WDR70: variants seen among roughly 807,000 people sequenced by gnomAD.
WDR70 encodes the protein WD repeat domain 70.
Under a neutral mutation model 88.6 loss-of-function variants are expected in WDR70, and 53 were observed. The observed-to-expected ratio is 0.60, with a 90% CI of 0.48 to 0.75. The LOEUF is 0.75. WDR70 is among the 30% of genes least tolerant of loss of function. The probability of loss-of-function intolerance (pLI) is 0.00; values close to 1 mark genes in which losing one functional copy is unlikely to be tolerated. For synonymous variants in WDR70, 280 were observed against 270.0 expected (o/e 1.04, Z -0.36); for missense variants, 610 against 823.2 (o/e 0.74, Z 3.17).
At chr5:37,431,612 A>AT (rs1245439940) in intron 5 of WDR70, among the ~76,000 whole-genome samples, 1 of 152,196 alleles carries the variant, frequency 6.6e-6, no homozygotes, top group Non-Finnish European at 1.5e-5. Flanking sequence ...TAAGTGTACA[A>AT]TTCAGTATTG....
intron 9 of WDR70, among the ~76,000 whole-genome samples, chr5:37,554,297 T>C (rs983786527): frequency 2.0e-5 from 3 of 152,142 alleles, no homozygotes; most frequent in African/African-American, 7.2e-5. Flanking sequence ...AGGCCAGCAT[T>C]GCTGGCTCAT....
chr5:37,611,848 G>A (rs1231060499), intron 10 of WDR70, among the ~76,000 whole-genome samples: 1 of 145,806 alleles, frequency 6.9e-6, no homozygotes, highest in Non-Finnish European at 1.5e-5. Context: ...TTGGAATAAT[G>A]TATGGAGAGC....
Position 37,396,523 on chromosome 5 carries a change from G to C in WDR70, c.445G>C (p.Glu149Gln). The C allele has an allele frequency of 6.2e-7, 1 of 1,613,296 alleles. No individual in the cohort carries two copies. The highest frequency in any genetic ancestry group is 1.1e-5 in the South Asian group (1 of 90,964). ...LGPLPPPLNEEEEEAEEEEEE... is the reference protein window; with the variant it reads ...LGPLPPPLNEQEEEAEEEEEE... ...TCCTTTACCTCCACCTCTTAATGAA[G>C]AAGAAGAAGAAGCAGAGGAAGAAGA... The change falls in exon 5 of 18, where the codon GAA (glutamate) becomes CAA (glutamine). Residue 149 changes from glutamate to glutamine, a missense_variant. Coordinates refer to ENST00000265107, the MANE Select transcript of WDR70 (RefSeq NM_018034.4).
intron 5 of WDR70, among the ~76,000 whole-genome samples, chr5:37,435,424 A>G (rs1750438070): frequency 6.6e-6 from 1 of 152,196 alleles, no homozygotes; most frequent in Non-Finnish European, 1.5e-5. Context: ...GACTCAGATT[A>G]TTCAGTGTAG....
At chr5:37,410,051 GTT>G (rs112303347) in intron 5 of WDR70, among the ~76,000 whole-genome samples, 1 of 147,408 alleles carries the variant, frequency 6.8e-6, no homozygotes, top group African/African-American at 2.5e-5. Flanking sequence ...GTCCACTAGT[GTT>G]TTTTTTTTTA....
chr5:37,427,232 A>G lies in WDR70; in HGVS notation c.493-10690A>G, dbSNP rs1408737328. ...GTGAAACCCCGTCTCTACTAAAAATACAAAAAATTAGCTGGGCGTGGTGGC... is the reference window on the plus strand; with the variant it reads ...GTGAAACCCCGTCTCTACTAAAAATGCAAAAAATTAGCTGGGCGTGGTGGC... On this transcript the variant is annotated intron_variant, in intron 5 of 17. Coordinates refer to ENST00000265107, the MANE Select transcript of WDR70 (RefSeq NM_018034.4). Among the ~76,000 whole-genome samples the G allele has an allele frequency of 2.0e-5, 3 of 152,070 alleles. No individual in the cohort carries two copies. The East Asian group carries it at 5.8e-4, about 29-fold the overall frequency.
chr5:37,416,294 C>T (rs1749747225), intron 5 of WDR70, among the ~76,000 whole-genome samples: 1 of 152,212 alleles, frequency 6.6e-6, no homozygotes, highest in Admixed American at 6.5e-5. Context: ...GGATCACTCG[C>T]TGTTAGGAGC....
intron 10 of WDR70, among the ~76,000 whole-genome samples, chr5:37,697,414 T>C (rs1301122172): frequency 6.6e-6 from 1 of 152,224 alleles, no homozygotes. Context: ...GCTAGGGCAA[T>C]CTGGAAAAAT....
chr5:37,665,106 T>A (rs1386737018), intron 10 of WDR70, among the ~76,000 whole-genome samples: 2 of 152,238 alleles, frequency 1.3e-5, no homozygotes, highest in African/African-American at 4.8e-5. Flanking sequence ...CTGAGATGTA[T>A]GATCCTTTTT....
chr5:37,636,896 G>A (rs930546250), intron 10 of WDR70, among the ~76,000 whole-genome samples: 25 of 152,170 alleles, frequency 1.6e-4, no homozygotes, highest in Non-Finnish European at 3.5e-4. Flanking sequence ...AATGAGGTCT[G>A]TAGATTAGCT....
chr5:37,487,289 ATTGGC>A (rs1739902531), intron 8 of WDR70, among the ~76,000 whole-genome samples: 1 of 151,994 alleles, frequency 6.6e-6, no homozygotes, highest in African/African-American at 2.4e-5. Flanking sequence ...AATTGTAGTC[ATTGGC>A]TTGAGTGATG....
intron 5 of WDR70, among the ~76,000 whole-genome samples, chr5:37,436,019 G>A (rs1554969): frequency 0.87 from 131,934 of 152,042 alleles, 60,249 homozygotes; most frequent in East Asian, 1. Context: ...ATGTATTATC[G>A]TAAGTTCTGT....
chr5:37,694,863 T>C (rs1167925504), intron 10 of WDR70, among the ~76,000 whole-genome samples: 5 of 146,942 alleles, frequency 3.4e-5, no homozygotes, highest in Admixed American at 6.9e-5. Context: ...ATAATAATAA[T>C]AAAGCAAGTT....
intron 13 of WDR70, 66 bp downstream of exon 13, chr5:37,703,153 T>C: frequency 1.9e-6 from 3 of 1,566,740 alleles, no homozygotes; most frequent in South Asian, 1.2e-5. Context: ...CATCTTTTGG[T>C]TTTGTTTGTT....
chr5:37,554,184 T>C (rs1213645520), intron 9 of WDR70, among the ~76,000 whole-genome samples: 1 of 151,610 alleles, frequency 6.6e-6, no homozygotes. Context: ...TACTAAGTCA[T>C]GTATCTGTTA....
chr5:37,733,124 A>G (rs549435313), intron 17 of WDR70, among the ~76,000 whole-genome samples: 1 of 152,264 alleles, frequency 6.6e-6, no homozygotes, highest in South Asian at 2.1e-4. Context: ...TACTTTCTAC[A>G]GAGACTCCAG....
rs1470603137 is a variant in WDR70, at chr5:37,605,076, G to A, written c.930G>A (p.Thr310=). The A allele has an allele frequency of 7.5e-6, 12 of 1,608,674 alleles. No individual in the cohort carries two copies. The highest frequency in any genetic ancestry group is 1.7e-5 in the Admixed American group (1 of 59,690). Residue 310 remains threonine (T), a synonymous_variant, in exon 10 of 18, where the codon ACG becomes ACA. Transcript: ENST00000265107. ...MTCSNDATVR[T]WEVENPKKQK... ...TGATCATTTTTAGGACTGTGAGGAC[G>A]TGGGAAGTTGAAAATCCAAAGAAGC...
At chr5:37,719,524 G>A (rs1276607439) in intron 13 of WDR70, among the ~76,000 whole-genome samples, 1 of 152,058 alleles carries the variant, frequency 6.6e-6, no homozygotes, top group Non-Finnish European at 1.5e-5. Context: ...CTAAAGTTGT[G>A]AAAACCTGCC....
At chr5:37,696,391 G>T (rs1746983154) in intron 10 of WDR70, among the ~76,000 whole-genome samples, 1 of 152,086 alleles carries the variant, frequency 6.6e-6, no homozygotes, top group Non-Finnish European at 1.5e-5. Context: ...ATTTTTTTAG[G>T]TGTAAGCCCA....
Sources: allele counts gnomAD v4.1 joint callset (sites outside exome capture counted in the v4.1 genomes callset), GRCh38; gene constraint gnomAD v4.1.1; transcripts MANE v1.5; gene names NCBI Gene and HGNC (gene_info 2026-07-23, HGNC 2026-07-21).